TMEM19: variants seen among roughly 807,000 people sequenced by gnomAD.
TMEM19 encodes transmembrane protein 19.
In TMEM19, 21 loss-of-function variants were observed where a neutral mutation model predicts 33.6. The observed-to-expected ratio is 0.62, with a 90% CI of 0.44 to 0.90. The LOEUF (loss-of-function observed/expected upper bound fraction) is 0.90. Among genes scored for constraint, TMEM19 ranks in the 40% least tolerant of loss-of-function variants. The pLI is 0.00. For missense variants in TMEM19, 402 were observed against 401.8 expected, an observed-to-expected ratio of 1.00 and a Z score of 0.00; for synonymous variants, 149 against 147.5, an observed-to-expected ratio of 1.01 and a Z score of -0.07.
At chr12:71,696,935 C>T (rs1162435315) in intron 3 of TMEM19, among the ~76,000 whole-genome samples, 1 of 152,192 alleles carries the variant, frequency 6.6e-6, no homozygotes, top group Non-Finnish European at 1.5e-5. Flanking sequence ...GCGTGAGCCA[C>T]TGCGCCCAGC....
In TMEM19 at chr12:71,686,210, G is replaced by A. The variant is rs141856153; in HGVS notation, c.-471G>A. 12,271 of 194,532 alleles carry A rather than the reference G, an allele frequency of 0.063. 446 individuals are homozygous for A. Among genetic ancestry groups the A allele is most frequent in the South Asian group, 0.089 (1,162 of 13,098 alleles). The allele number at this position is 194,532 out of a possible 1,614,324, so 12.1% of individuals were successfully genotyped here. ...TGCGCAGCTGTCGGGACGTGACTGC[G>A]TTCAGCCGCGTCGGGCGTGCTTCCC... On this transcript the variant is annotated 5_prime_UTR_variant, in exon 1 of 6. Transcript: ENST00000266673.
Position 71,700,905 on chromosome 12 carries a change from T to C in TMEM19, c.921T>C (p.Ile307=), listed in dbSNP as rs1881966358. 1 of 1,613,832 alleles carries C rather than the reference T, an allele frequency of 6.2e-7. No homozygotes were observed. Among genetic ancestry groups the C allele is most frequent in the African/African-American group, 1.3e-5 (1 of 75,024 alleles). ...CAAGGCACATAGCAGGGAAACCCAT[T>C]CTTGATAACAACGCAGTGAATCTGT... ...NKARHIAGKP[I]LDNNAVNLFS... is the part of the protein sequence containing the mutation. Residue 307 remains isoleucine (I), a synonymous_variant, in exon 6 of 6, where the codon ATT becomes ATC. Coordinates refer to ENST00000266673, the MANE Select transcript of TMEM19 (RefSeq NM_018279.4).
At chr12:71,700,760 AAAAAAG>A in intron 5 of TMEM19, 66 bp from the exon 6 acceptor site, 1 of 1,421,420 alleles carries the variant, frequency 7.0e-7, no homozygotes, top group South Asian at 1.7e-5. Context: ...TAAAAAAAAA[AAAAAAG>A]AAAGAAAAGA....
chr12:71,698,142 C>T (rs1172691015), intron 4 of TMEM19, among the ~76,000 whole-genome samples: 1 of 152,158 alleles, frequency 6.6e-6, no homozygotes, highest in Non-Finnish European at 1.5e-5. Context: ...GAATACTCAA[C>T]CTATACTGCT....
intron 5 of TMEM19, 37 bp from the exon 6 acceptor site, chr12:71,700,795 G>A (rs754372067): frequency 1.0e-5 from 15 of 1,491,362 alleles, no homozygotes; most frequent in Non-Finnish European, 1.3e-5. Context: ...GAAGTCATTT[G>A]GGTTTTCTAT....
Position 71,699,098 on chromosome 12 carries a change from T to G in TMEM19, c.836T>G (p.Met279Arg). ...GTGGACTCATACTTAGGGGCTACAA[T>G]GCAGTATACTGGTAAGAACATTCCT... Reference protein sequence around the residue: ...SIVDSYLGATMQYTGLDESTG... With the variant: ...SIVDSYLGATRQYTGLDESTG... Residue 279 changes from methionine (M) to arginine (R), a missense_variant, in exon 5 of 6, where the codon ATG becomes AGG. Physicochemically the swap from Met to Arg is moderately conservative, Grantham distance 91 (BLOSUM62 -1). Transcript: ENST00000266673. 1 of 1,614,186 alleles carries G rather than the reference T, an allele frequency of 6.2e-7. No homozygotes were observed. The highest frequency in any genetic ancestry group is 8.5e-7 in the Non-Finnish European group (1 of 1,180,010).
intron 2 of TMEM19, 88 bp downstream of exon 2, chr12:71,689,792 A>T: frequency 1.2e-6 from 1 of 860,092 alleles, no homozygotes; most frequent in South Asian, 1.7e-5. Context: ...TGAATATATG[A>T]GACTGACTAC....
intron 1 of TMEM19, among the ~76,000 whole-genome samples, chr12:71,687,137 A>G (rs1881705408): frequency 6.6e-6 from 1 of 152,078 alleles, no homozygotes. Context: ...AGTGCTGGCA[A>G]TACAGGCCAC....
chr12:71,693,324 G>A (rs1881816604), intron 2 of TMEM19, among the ~76,000 whole-genome samples: 1 of 152,040 alleles, frequency 6.6e-6, no homozygotes, highest in African/African-American at 2.4e-5. Flanking sequence ...AGCTTCCTGG[G>A]TAGTAGCGAC....
At chr12:71,696,721 G>A (rs940472607) in intron 3 of TMEM19, 148 bp downstream of exon 3, 11 of 636,436 alleles carry the variant, frequency 1.7e-5, no homozygotes, top group East Asian at 1.7e-4. Flanking sequence ...ATCTCGGCTC[G>A]CTGTAAGCTC....
At chr12:71,689,826 CAA>C in intron 2 of TMEM19, 122 bp downstream of exon 2, 1 of 700,694 alleles carries the variant, frequency 1.4e-6, no homozygotes, top group Non-Finnish European at 2.3e-6. Flanking sequence ...ATATTTTAGA[CAA>C]TGATAAAGTT....
At chr12:71,700,405 C>A (rs529898979) in intron 5 of TMEM19, among the ~76,000 whole-genome samples, 1 of 152,234 alleles carries the variant, frequency 6.6e-6, no homozygotes, top group South Asian at 2.1e-4. Flanking sequence ...GTACTGTGGC[C>A]ACAGACATGA....
rs776667945 is a variant in TMEM19 at position 71,698,908 on chromosome 12, G to A, written c.646G>A (p.Gly216Arg). Residue 216 changes from glycine (G) to arginine (R), a missense_variant, in exon 5 of 6, where the codon GGA (glycine) becomes AGA (arginine). By Grantham distance (125) the Gly-to-Arg change is moderately radical. Transcript: ENST00000266673. Reference protein sequence around the residue: ...TWEKVPVGTNGGVTVVGLVSS... With the variant: ...TWEKVPVGTNRGVTVVGLVSS... ...GCATGTTTCTTCTTCAGGTACCAAT[G>A]GAGGAGTTACAGTGGTGGGCCTTGT... is the stretch of plus-strand genomic sequence containing the variant. 1 of 1,614,056 alleles carries A rather than the reference G, an allele frequency of 6.2e-7. No homozygotes were observed. The highest frequency in any genetic ancestry group is 8.5e-7 in the Non-Finnish European group (1 of 1,179,954).
intron 2 of TMEM19, among the ~76,000 whole-genome samples, chr12:71,692,485 A>G (rs565432430): frequency 1.3e-5 from 2 of 152,358 alleles, no homozygotes; most frequent in African/African-American, 4.8e-5. Flanking sequence ...TTAGTGCTTA[A>G]TGAAGTATTC....
chr12:71,695,597 C>T (rs1881857015), intron 2 of TMEM19, among the ~76,000 whole-genome samples: 1 of 152,202 alleles, frequency 6.6e-6, no homozygotes, highest in African/African-American at 2.4e-5. Flanking sequence ...GCCACTGGAA[C>T]TGTTGCTGTT....
In TMEM19 at chr12:71,702,267, T is replaced by C. The variant is rs913454799; in HGVS notation, c.*1272T>C. ...CAGTTAGATCAGGGGGTTGCAACAATTGGGTTAAACTTTGGGTATACATTG... is the reference window on the plus strand; with the variant it reads ...CAGTTAGATCAGGGGGTTGCAACAACTGGGTTAAACTTTGGGTATACATTG... On this transcript the variant is annotated 3_prime_UTR_variant, in exon 6 of 6. Transcript: ENST00000266673. 4 of 152,158 alleles carry C rather than the reference T, an allele frequency of 2.6e-5. No individual in the cohort carries two copies. The highest frequency in any genetic ancestry group is 1.9e-4 in the East Asian group (1 of 5,198). 9.4% of individuals were successfully genotyped at this position (152,158 alleles called of 1,614,324 possible).
intron 2 of TMEM19, among the ~76,000 whole-genome samples, chr12:71,691,692 C>T (rs967762574): frequency 1.4e-5 from 2 of 146,800 alleles, no homozygotes; most frequent in Non-Finnish European, 3.0e-5. Context: ...GGAGGCTGAT[C>T]GTGCCACTTC....
rs543784172 is a variant in TMEM19, at chr12:71,703,771, A to G, written c.*2776A>G. The G allele has an allele frequency of 1.7e-5, 4 of 238,924 alleles. No homozygotes were observed. Among genetic ancestry groups the G allele is most frequent in the African/African-American group, 9.0e-5 (4 of 44,392 alleles). The allele number at this position is 238,924 out of a possible 1,614,324, so 14.8% of individuals were successfully genotyped here. On this transcript the variant is annotated 3_prime_UTR_variant, in exon 6 of 6. Transcript: ENST00000266673. ...CCACTAAGTATAACTAAAGATCATA[A>G]AGAGCCTCAGATCAAGTTTGGTCAG...
In TMEM19 at chr12:71,699,117, C is replaced by T; in HGVS notation, c.847+8C>T. On this transcript the variant is annotated splice_region_variant and intron_variant, in intron 5 of 5. Transcript: ENST00000266673. ...CTACAATGCAGTATACTGGTAAGAA[C>T]ATTCCTTCATTCTTGCAACTTATTG... The T allele has an allele frequency of 6.2e-7, 1 of 1,613,178 alleles. No homozygotes were observed. The highest frequency in any genetic ancestry group is 8.5e-7 in the Non-Finnish European group (1 of 1,179,208).
Sources: allele counts gnomAD v4.1 joint callset (sites outside exome capture counted in the v4.1 genomes callset), GRCh38; gene constraint gnomAD v4.1.1; transcripts MANE v1.5; gene names NCBI Gene and HGNC (gene_info 2026-07-23, HGNC 2026-07-21).